Variants in CWC22 observed in about 807,000 individuals in gnomAD.
The protein encoded by CWC22 is CWC22 spliceosome associated protein.
In CWC22, 53 loss-of-function variants were observed where a neutral mutation model predicts 117.2. The observed-to-expected ratio is 0.45, with a 90% confidence interval of 0.36 to 0.57. CWC22 has a LOEUF of 0.57. CWC22 is among the 20% of genes least tolerant of loss of function. The probability of loss-of-function intolerance (pLI) is 0.00; values close to 1 mark genes in which losing one functional copy is unlikely to be tolerated. For missense variants in CWC22, 980 were observed against 1,068.8 expected, an observed-to-expected ratio of 0.92 and a Z score of 1.16; for synonymous variants, 360 against 355.6, an observed-to-expected ratio of 1.01 and a Z score of -0.14.
At chr2:179,978,108 T>G in intron 6 of CWC22, 82 bp downstream of exon 6, 1 of 1,283,008 alleles carries the variant, frequency 7.8e-7, no homozygotes, top group Non-Finnish European at 1.0e-6. Context: ...GCACAATAAA[T>G]CAATGATTAT....
chr2:179,971,540 C>G (rs1386172417), intron 8 of CWC22, among the ~76,000 whole-genome samples: 1 of 152,114 alleles, frequency 6.6e-6, no homozygotes, highest in Non-Finnish European at 1.5e-5. Context: ...CTCTATTAGA[C>G]ACAAATAGTC....
At chr2:179,993,989 A>G (rs1687636161) in intron 1 of CWC22, among the ~76,000 whole-genome samples, 1 of 152,192 alleles carries the variant, frequency 6.6e-6, no homozygotes, top group South Asian at 2.1e-4. Context: ...TGATCTATTA[A>G]TGGCACAAAG....
chr2:179,976,150 G>T (rs921453273), intron 6 of CWC22, among the ~76,000 whole-genome samples: 1 of 152,186 alleles, frequency 6.6e-6, no homozygotes, highest in African/African-American at 2.4e-5. Flanking sequence ...ACACAATAGG[G>T]AAAAGACAGT....
intron 2 of CWC22, among the ~76,000 whole-genome samples, chr2:179,992,723 A>C (rs556318655): frequency 7.0e-4 from 106 of 152,386 alleles, no homozygotes; most frequent in African/African-American, 2.0e-3. Context: ...CAATCACTAT[A>C]ACATCTAACA....
chr2:179,981,568 C>T (rs1687288279), intron 5 of CWC22, among the ~76,000 whole-genome samples, 184 bp downstream of exon 5: 1 of 152,066 alleles, frequency 6.6e-6, no homozygotes, highest in Non-Finnish European at 1.5e-5. Context: ...AAGTAATGTG[C>T]TAATATAAGG....
At position 179,973,176 on chromosome 2, in the gene CWC22, TG is replaced by T; in HGVS notation, c.804+16del. On this transcript the variant is annotated intron_variant, in intron 8 of 19. Transcript: ENST00000410053. ...AATGCCACTGAATGGGACCAAGTAT[TG>T]AAGATAATTACTTACCACATTTTGG... The T allele has an allele frequency of 6.4e-7, 1 of 1,570,814 alleles. No individual in the cohort carries two copies. The highest frequency in any genetic ancestry group is 1.8e-5 in the Admixed American group (1 of 56,830).
chr2:179,986,833 C>T, intron 3 of CWC22, 28 bp from the exon 4 acceptor site: 1 of 1,307,392 alleles, frequency 7.6e-7, no homozygotes, highest in Non-Finnish European at 1.1e-6. Context: ...AACCAAGTTG[C>T]AAATTAAAAA....
chr2:179,986,650 T>G, intron 4 of CWC22, 45 bp downstream of exon 4: 7 of 1,122,726 alleles, frequency 6.2e-6, no homozygotes, highest in Non-Finnish European at 9.2e-6. Flanking sequence ...AAAGAGAGTT[T>G]AAACAAATAC....
At chr2:179,953,586 T>C (rs1449699847) in intron 16 of CWC22, among the ~76,000 whole-genome samples, 2 of 152,098 alleles carry the variant, frequency 1.3e-5, no homozygotes, top group African/African-American at 2.4e-5. Context: ...AGTATATAAG[T>C]GGTGGCTAAC....
intron 6 of CWC22, 47 bp from the exon 7 acceptor site, chr2:179,973,849 T>G: frequency 8.8e-7 from 1 of 1,140,360 alleles, no homozygotes; most frequent in Non-Finnish European, 1.2e-6. Flanking sequence ...ATCACCAAAT[T>G]AATTAAACGA....
rs1687292700 is a variant in CWC22, at chr2:179,981,741, T to C, written c.452+11A>G. The C allele has an allele frequency of 6.2e-7, 1 of 1,607,382 alleles. No individual in the cohort carries two copies. Among genetic ancestry groups the C allele is most frequent in the Non-Finnish European group, 8.5e-7 (1 of 1,174,582 alleles). On this transcript the variant is annotated intron_variant, in intron 5 of 19. Transcript: ENST00000410053. ...TTTCATGGCTTTGTATACTGATTGA[T>C]ATAAACATGCCTGTTTTTATCTGTA...
intron 4 of CWC22, among the ~76,000 whole-genome samples, chr2:179,982,214 A>T (rs1337779706): frequency 6.6e-6 from 1 of 152,164 alleles, no homozygotes; most frequent in Non-Finnish European, 1.5e-5. Flanking sequence ...GGCAGGAGGA[A>T]GGGGAGACGA....
At chr2:179,954,169 T>C in intron 16 of CWC22, 36 bp downstream of exon 16, 1 of 1,511,074 alleles carries the variant, frequency 6.6e-7, no homozygotes, top group Non-Finnish European at 9.0e-7. Context: ...AACAGGGAAT[T>C]AGGAAGGAAG....
chr2:179,974,860 T>C (rs188076741), intron 6 of CWC22, among the ~76,000 whole-genome samples: 55 of 152,228 alleles, frequency 3.6e-4, no homozygotes, highest in Non-Finnish European at 6.6e-4. Context: ...CAAGCAATCC[T>C]CCCACCTCAG....
intron 1 of CWC22, among the ~76,000 whole-genome samples, chr2:180,006,597 C>T (rs1687982637): frequency 6.6e-6 from 1 of 152,150 alleles, no homozygotes; most frequent in African/African-American, 2.4e-5. Flanking sequence ...ATAATGCCGG[C>T]AAGAGGCATA....
intron 17 of CWC22, among the ~76,000 whole-genome samples, chr2:179,951,898 G>A (rs1686459337): frequency 6.6e-6 from 1 of 152,000 alleles, no homozygotes. Flanking sequence ...GAGAAGTGAA[G>A]AGGCATGCAG....
chr2:179,983,214 T>C (rs1227459035), intron 4 of CWC22, among the ~76,000 whole-genome samples: 1 of 152,064 alleles, frequency 6.6e-6, no homozygotes, highest in Non-Finnish European at 1.5e-5. Context: ...ATATTAAACC[T>C]AGTATTCATT....
chr2:179,945,402 A>C lies in CWC22; in HGVS notation c.2454T>G (p.Asp818Glu). Residue 818 changes from aspartate (D) to glutamate (E), a missense_variant, in exon 20 of 20, where the codon GAT becomes GAG. Physicochemically the swap from Asp to Glu is conservative, Grantham distance 45. This residue lies in a region of CWC22 where 306 missense variants were observed against 296.8 expected (regional missense o/e 1.03). Transcript: ENST00000410053. Reference protein sequence around the residue: ...MHIDLENKHGDPKKKRGERRN... With the variant: ...MHIDLENKHGEPKKKRGERRN... Reference sequence around the variant, plus strand: ...TTCTCTCTCCTCTCTTCTTTTTGGGATCACCATGCTTATTTTCCAAATCTA... The same window carrying C: ...TTCTCTCTCCTCTCTTCTTTTTGGGCTCACCATGCTTATTTTCCAAATCTA... 1 of 1,612,808 alleles carries C rather than the reference A, an allele frequency of 6.2e-7. No individual in the cohort carries two copies. The highest frequency in any genetic ancestry group is 8.5e-7 in the Non-Finnish European group (1 of 1,179,558).
chr2:179,973,030 A>T (rs13035900), intron 8 of CWC22, among the ~76,000 whole-genome samples, 163 bp downstream of exon 8: 1 of 152,020 alleles, frequency 6.6e-6, no homozygotes, highest in East Asian at 1.9e-4. Context: ...AAAAAAAAGA[A>T]CATTAAATAT....
Sources: allele counts gnomAD v4.1 joint callset (sites outside exome capture counted in the v4.1 genomes callset), GRCh38; gene constraint gnomAD v4.1.1; regional missense constraint gnomAD v4.1.1; transcripts MANE v1.5; gene names NCBI Gene and HGNC (gene_info 2026-07-23, HGNC 2026-07-21).